The following PCCA variants were observed in gnomAD, a reference collection of about 807,000 sequenced individuals.
PCCA encodes propionyl-CoA carboxylase alpha chain, mitochondrial.
PCCA carries 74 observed loss-of-function variants against 101.3 expected under a neutral mutation model. That is an observed-to-expected ratio of 0.73 (90% CI 0.61 to 0.89). The LOEUF (loss-of-function observed/expected upper bound fraction) is 0.89, where lower values mean the gene tolerates loss of function less well. Ranked by LOEUF, PCCA falls within the 40% of genes least tolerant of loss-of-function variation. The pLI is 0.00. For synonymous variants in PCCA, 294 were observed against 313.6 expected, an observed-to-expected ratio of 0.94 and a Z score of 0.66; for missense variants, 891 against 907.0, an observed-to-expected ratio of 0.98 and a Z score of 0.23.
At position 100,257,741 on chromosome 13, in the gene PCCA, G is replaced by A. The variant is rs558454618; in HGVS notation, c.716+68G>A. ...TACCAGAGTTTTATTAAACTGACAG[G>A]TAAACAGATACCAAAAGCATAATGG... On this transcript the variant is annotated intron_variant, in intron 9 of 23. Coordinates refer to ENST00000376285, the MANE Select transcript of PCCA (RefSeq NM_000282.4). 2.5e-5 allele frequency: 26 copies of A among 1,050,206 alleles called. No individual in the cohort carries two copies. The South Asian group carries it at 2.8e-4, about 11-fold the overall frequency. The allele number at this position is 1,050,206 out of a possible 1,614,324, so 65.1% of individuals were successfully genotyped here.
intron 4 of PCCA, among the ~76,000 whole-genome samples, chr13:100,133,910 G>A (rs889077369): frequency 3.3e-5 from 5 of 152,184 alleles, no homozygotes; most frequent in Non-Finnish European, 2.9e-5. Flanking sequence ...TCCTGACCTC[G>A]AACATCAGAC....
intron 7 of PCCA, among the ~76,000 whole-genome samples, chr13:100,218,616 A>G (rs538877221): frequency 1.6e-4 from 24 of 152,240 alleles, no homozygotes; most frequent in African/African-American, 5.8e-4. Context: ...CTCTTGTATA[A>G]TCCACTCCTC....
chr13:100,379,146 G>A (rs1210993937), intron 19 of PCCA, among the ~76,000 whole-genome samples: 4 of 151,980 alleles, frequency 2.6e-5, no homozygotes, highest in Non-Finnish European at 5.9e-5. Flanking sequence ...TTTGATTCTG[G>A]GTGCATGTGG....
chr13:100,175,248 A>G (rs1026421312), intron 6 of PCCA, among the ~76,000 whole-genome samples: 2 of 152,204 alleles, frequency 1.3e-5, no homozygotes, highest in East Asian at 3.8e-4. Flanking sequence ...GAATAAACCA[A>G]TAGATTAGTA....
chr13:100,151,989 T>G (rs2053383343), intron 4 of PCCA, among the ~76,000 whole-genome samples: 1 of 152,158 alleles, frequency 6.6e-6, no homozygotes, highest in Non-Finnish European at 1.5e-5. Flanking sequence ...TGTTTTGTAT[T>G]ATTAAGCCAA....
chr13:100,443,400 T>C (rs1482424063), intron 20 of PCCA, among the ~76,000 whole-genome samples: 1 of 150,812 alleles, frequency 6.6e-6, no homozygotes, highest in African/African-American at 2.4e-5. Flanking sequence ...TGTGGAGAGC[T>C]GTGACCATGC....
chr13:100,110,496 C>G (rs533329968), intron 2 of PCCA, among the ~76,000 whole-genome samples: 2 of 152,284 alleles, frequency 1.3e-5, no homozygotes, highest in Admixed American at 1.3e-4. Flanking sequence ...GGGTTTAGGT[C>G]TCTAGATAAA....
At chr13:100,469,670 C>T (rs1474618267) in intron 21 of PCCA, among the ~76,000 whole-genome samples, 1 of 151,882 alleles carries the variant, frequency 6.6e-6, no homozygotes, top group Non-Finnish European at 1.5e-5. Context: ...CAGCTACTCA[C>T]TCGGGAGGTT....
In PCCA at chr13:100,089,252, C is replaced by T. The variant is rs759473065; in HGVS notation, c.105+27C>T. ...TGAGGAGCAACGGGGCCTCGCGGGT[C>T]CGGGCTTCACTGGGCTTCTAGCCGT... On this transcript the variant is annotated intron_variant, in intron 1 of 23. Transcript: ENST00000376285. The T allele has an allele frequency of 1.3e-5, 19 of 1,469,662 alleles. No homozygotes were observed. The South Asian group carries it at 2.2e-4, about 17-fold the overall frequency. The allele number at this position is 1,469,662 out of a possible 1,614,324, so 91.0% of individuals were successfully genotyped here.
At position 100,492,278 on chromosome 13, in the gene PCCA, G is replaced by T. The variant is rs1305878011; in HGVS notation, c.1900-23149G>T. On this transcript the variant is annotated intron_variant, in intron 21 of 23. Transcript: ENST00000376285. ...GCCTCCCGAGTAGCTGGGACTACAG[G>T]TGCCCGCCACCATGCCTGGCTAATT... 2.6e-5 allele frequency among the ~76,000 whole-genome samples: 4 copies of T among 152,106 alleles called. No individual in the cohort carries two copies. In the South Asian group the frequency reaches 8.3e-4, roughly 32 times the overall value.
chr13:100,089,124 G>C lies in PCCA; in HGVS notation c.4G>C (p.Ala2Pro), dbSNP rs760710987. The C allele has an allele frequency of 4.7e-6, 7 of 1,502,014 alleles. No individual in the cohort carries two copies. In the African/African-American group the frequency reaches 8.6e-5, roughly 18 times the overall value. 93.0% of individuals were successfully genotyped at this position (1,502,014 alleles called of 1,614,324 possible). A position where few individuals can be genotyped will look rare whatever the true frequency, so the allele number is the denominator to read the frequency against. The change falls in exon 1 of 24, where the codon GCG becomes CCG. Residue 2 changes from alanine to proline, a missense_variant. Ala to Pro is a conservative substitution (Grantham distance 27, BLOSUM62 -1). Transcript: ENST00000376285. The stretch of plus-strand genomic sequence containing the variant: ...GGGGCGGTCTGCGGGGACAACAATG[G>C]CGGGGTTCTGGGTCGGGACAGCACC... MAGFWVGTAPLV... is the reference protein window; with the variant it reads MPGFWVGTAPLV...
rs1042366682 is a variant in PCCA, at chr13:100,529,981, T to C, written c.2119-117T>C. The C allele has an allele frequency of 4.9e-6, 4 of 809,390 alleles. No individual in the cohort carries two copies. In the African/African-American group the frequency reaches 5.1e-5, roughly 10 times the overall value. The allele number at this position is 809,390 out of a possible 1,614,324, so 50.1% of individuals were successfully genotyped here. ...CCGGTGGGGTGGGGTGGCTTGTCCC[T>C]GTGCTGCTGAGCTTGCAGGACTGTG... On this transcript the variant is annotated intron_variant, in intron 23 of 23. Coordinates refer to ENST00000376285, the MANE Select transcript of PCCA (RefSeq NM_000282.4).
In PCCA at chr13:100,424,659, C is replaced by G. The variant is rs544541167; in HGVS notation, c.1747-974C>G. Among the ~76,000 whole-genome samples, 3 of 152,246 alleles carry G rather than the reference C, an allele frequency of 2.0e-5. No homozygotes were observed. The South Asian group carries it at 6.2e-4, about 32-fold the overall frequency. ...TCAGAATGTTTTCAGCAATCTTTGT[C>G]CACTGCCACCCCCGCCCTATCCCCA... On this transcript the variant is annotated intron_variant, in intron 19 of 23. Transcript: ENST00000376285.
chr13:100,273,493 T>TAGCA (rs1159938453), intron 12 of PCCA, 147 bp downstream of exon 12: 1 of 690,896 alleles, frequency 1.4e-6, no homozygotes, highest in Non-Finnish European at 2.5e-6. Context: ...AAGACATCTG[T>TAGCA]TAGGAATGAC....
intron 21 of PCCA, among the ~76,000 whole-genome samples, chr13:100,515,072 C>T (rs2086731812): frequency 6.6e-6 from 1 of 152,192 alleles, no homozygotes; most frequent in Non-Finnish European, 1.5e-5. Flanking sequence ...GTCTGCCCAG[C>T]TCATGGGATT....
chr13:100,212,643 C>A (rs2059286430), intron 7 of PCCA, among the ~76,000 whole-genome samples: 1 of 152,134 alleles, frequency 6.6e-6, no homozygotes, highest in Non-Finnish European at 1.5e-5. Flanking sequence ...AATTAGTCTC[C>A]TTGTAGTCAT....
At chr13:100,180,133 A>G (rs2056655552) in intron 6 of PCCA, among the ~76,000 whole-genome samples, 1 of 152,182 alleles carries the variant, frequency 6.6e-6, no homozygotes, top group African/African-American at 2.4e-5. Flanking sequence ...CTTCTGTATC[A>G]CTTCTGACCT....
chr13:100,455,008 A>G (rs1213066785), intron 21 of PCCA, among the ~76,000 whole-genome samples: 1 of 152,214 alleles, frequency 6.6e-6, no homozygotes, highest in Admixed American at 6.5e-5. Flanking sequence ...CTTGAACAAA[A>G]GACTAAAGAC....
chr13:100,525,761 C>CG (rs998442594), intron 22 of PCCA, among the ~76,000 whole-genome samples: 60 of 152,132 alleles, frequency 3.9e-4, no homozygotes, highest in African/African-American at 1.2e-3. Flanking sequence ...ATGTACTTGG[C>CG]GGGGGGACGG....
Sources: gnomAD v4.1 joint callset for allele counts (sites outside exome capture counted in the v4.1 genomes callset) on GRCh38, gnomAD v4.1.1 for gene constraint, MANE v1.5 for transcripts, NCBI Gene and HGNC (gene_info 2026-07-23, HGNC 2026-07-21) for gene names.